DCUN1D4: variants seen among roughly 807,000 people sequenced by gnomAD.
DCUN1D4 encodes defective in cullin neddylation 1 domain containing 4.
In DCUN1D4, 22 loss-of-function variants were observed where a neutral mutation model predicts 47.9. That is an observed-to-expected ratio of 0.46 (90% CI 0.33 to 0.66). The LOEUF is 0.66. DCUN1D4 is among the 30% of genes least tolerant of loss of function. The pLI, the probability that DCUN1D4 is intolerant of heterozygous loss-of-function variation, is 0.02. For missense variants in DCUN1D4, 301 were observed against 340.8 expected, an observed-to-expected ratio of 0.88 and a Z score of 0.92; for synonymous variants, 121 against 112.2, an observed-to-expected ratio of 1.08 and a Z score of -0.50.
In DCUN1D4 at chr4:51,845,236, C is replaced by T. The variant is rs973679353; in HGVS notation, c.25+1969C>T. On this transcript the variant is annotated intron_variant, in intron 1 of 10. Transcript: ENST00000334635. ...ATTCCCTTGCATAAATATGAGAACA[C>T]AGTGGAGGTACACGTAACCCTTGTA... The T allele has an allele frequency of 3.0e-6, 3 of 985,246 alleles. No individual in the cohort carries two copies. The African/African-American group carries it at 5.2e-5, about 17-fold the overall frequency. The allele number at this position is 985,246 out of a possible 1,614,324, so 61.0% of individuals were successfully genotyped here.
At chr4:51,842,689 T>C (rs1313470314), upstream of DCUN1D4, among the ~76,000 whole-genome samples, 1 of 152,146 alleles carries the variant, frequency 6.6e-6, no homozygotes, top group Non-Finnish European at 1.5e-5. Context: ...CGGACGCATT[T>C]CCCTACTTCC....
intron 9 of DCUN1D4, 151 bp downstream of exon 9, chr4:51,911,325 C>G: frequency 1.4e-6 from 1 of 705,172 alleles, no homozygotes; most frequent in Middle Eastern, 3.5e-4. Context: ...CAGCAGCTAC[C>G]TATCTTCTTG....
At chr4:51,913,430 T>C in intron 10 of DCUN1D4, 38 bp downstream of exon 10, 1 of 1,582,082 alleles carries the variant, frequency 6.3e-7, no homozygotes, top group Non-Finnish European at 8.7e-7. Context: ...TTCGTGTACA[T>C]TTCTATATCA....
chr4:51,891,562 A>G (rs959378988), intron 6 of DCUN1D4, among the ~76,000 whole-genome samples, 198 bp from the exon 7 acceptor site: 3 of 152,170 alleles, frequency 2.0e-5, no homozygotes, highest in Non-Finnish European at 4.4e-5. Context: ...TTGTCAGCAG[A>G]CTATATTGTC....
intron 5 of DCUN1D4, among the ~76,000 whole-genome samples, chr4:51,882,398 C>G (rs111691921): frequency 6.6e-6 from 1 of 152,028 alleles, no homozygotes; most frequent in Non-Finnish European, 1.5e-5. Context: ...GGATGCACGA[C>G]GGGGAGAGGA....
At chr4:51,894,260 T>G (rs545818025) in intron 7 of DCUN1D4, among the ~76,000 whole-genome samples, 3 of 152,280 alleles carry the variant, frequency 2.0e-5, no homozygotes, top group African/African-American at 7.2e-5. Context: ...GAATAACTTT[T>G]AAGGTTCTTT....
chr4:51,845,197 C>G, intron 1 of DCUN1D4: 2 of 985,450 alleles, frequency 2.0e-6, no homozygotes, highest in African/African-American at 3.5e-5. Context: ...TGTGTGTAAG[C>G]ACTGGGTTCC....
At chr4:51,840,082 G>A (rs1265142529), upstream of DCUN1D4, among the ~76,000 whole-genome samples, 1 of 152,064 alleles carries the variant, frequency 6.6e-6, no homozygotes, top group Non-Finnish European at 1.5e-5. Context: ...GCAGTAACTG[G>A]GTGAAATGAA....
At chr4:51,874,440 A>G in intron 4 of DCUN1D4, 55 bp downstream of exon 4, 1 of 1,344,366 alleles carries the variant, frequency 7.4e-7, no homozygotes, top group East Asian at 2.4e-5. Context: ...GAAGATGCAC[A>G]TTTCTACCTA....
At chr4:51,871,849 T>G (rs1487458574) in intron 3 of DCUN1D4, among the ~76,000 whole-genome samples, 1 of 152,206 alleles carries the variant, frequency 6.6e-6, no homozygotes, top group Admixed American at 6.5e-5. Context: ...TTTAATATGC[T>G]TTAGTGGTGT....
chr4:51,834,103 CTTTTTTTTTTCTT>C, the DCUN1D4 span, among the ~76,000 whole-genome samples: 1 of 42,582 alleles, frequency 2.3e-5, no homozygotes, highest in East Asian at 1.1e-3. Flanking sequence ...TTTCTTCTTT[CTTTTTTTTTTCTT>C]TTTTTTTTTT....
intron 1 of DCUN1D4, chr4:51,844,382 C>G: frequency 1.0e-6 from 1 of 984,118 alleles, no homozygotes; most frequent in Non-Finnish European, 1.2e-6. Flanking sequence ...TGGTTCCCCC[C>G]GGACGGCGGG....
At chr4:51,905,435 T>A (rs1196092575) in intron 8 of DCUN1D4, 1 of 163,552 alleles carries the variant, frequency 6.1e-6, no homozygotes, top group African/African-American at 2.4e-5. Flanking sequence ...TGATCAGTTC[T>A]CTTCTACAGT....
At chr4:51,834,376 T>TC in the DCUN1D4 span, among the ~76,000 whole-genome samples, 2 of 151,844 alleles carry the variant, frequency 1.3e-5, no homozygotes, top group South Asian at 2.1e-4. Flanking sequence ...TAGTTTGTGC[T>TC]CCAGTAGCAC....
chr4:51,912,779 C>A (rs897693633), intron 9 of DCUN1D4, among the ~76,000 whole-genome samples: 1 of 152,200 alleles, frequency 6.6e-6, no homozygotes, highest in Non-Finnish European at 1.5e-5. Flanking sequence ...GCAGCACTTA[C>A]CGGATCTCGT....
chr4:51,861,549 G>A (rs1725051091), intron 1 of DCUN1D4, among the ~76,000 whole-genome samples: 1 of 152,156 alleles, frequency 6.6e-6, no homozygotes. Context: ...ACAGCAGGGT[G>A]GTGAAATGAC....
intron 1 of DCUN1D4, chr4:51,844,742 C>G: frequency 1.3e-6 from 1 of 763,672 alleles, no homozygotes; most frequent in Non-Finnish European, 1.6e-6. Flanking sequence ...CTCCAGTCAA[C>G]GGGTATGAAG....
At chr4:51,871,795 T>C (rs1726936805) in intron 3 of DCUN1D4, among the ~76,000 whole-genome samples, 1 of 152,240 alleles carries the variant, frequency 6.6e-6, no homozygotes, top group Non-Finnish European at 1.5e-5. Flanking sequence ...TTTTTGTATG[T>C]TGGCAGTCTG....
intron 1 of DCUN1D4, among the ~76,000 whole-genome samples, chr4:51,853,793 T>C (rs866715133): frequency 7.9e-5 from 12 of 152,208 alleles, no homozygotes; most frequent in African/African-American, 2.9e-4. Context: ...CTGGGTTTAT[T>C]TTGGGCTGTG....
Sources: allele counts gnomAD v4.1 joint callset (sites outside exome capture counted in the v4.1 genomes callset), GRCh38; gene constraint gnomAD v4.1.1; transcripts MANE v1.5; gene names NCBI Gene and HGNC (gene_info 2026-07-23, HGNC 2026-07-21).